The following GSE1 variants were observed in gnomAD, a reference collection of about 807,000 sequenced individuals.
GSE1 encodes the protein Gse1 coiled-coil protein, also known as genetic suppressor element 1.
Under a neutral mutation model 112.6 loss-of-function variants are expected in GSE1, and 32 were observed. That is an observed-to-expected ratio of 0.28 (90% CI 0.21 to 0.38). GSE1 has a LOEUF of 0.38. GSE1 is among the 10% of genes least tolerant of loss of function. The pLI is 1.00. For synonymous variants in GSE1, 1,115 were observed against 735.6 expected (o/e 1.52, Z -8.35); for missense variants, 2,348 against 1,699.2 (o/e 1.38, Z -6.71).
At chr16:85,672,025 G>A (rs1332734500) in intron 15 of GSE1, 2 of 215,146 alleles carry the variant, frequency 9.3e-6, no homozygotes, top group Non-Finnish European at 2.0e-5. Context: ...TTGAGGCGAA[G>A]TCTCACTCTG....
intron 1 of GSE1, among the ~76,000 whole-genome samples, chr16:85,631,559 G>A (rs994929884): frequency 5.3e-5 from 8 of 152,232 alleles, no homozygotes; most frequent in Non-Finnish European, 7.3e-5. Context: ...AGACACCTGC[G>A]TGGCCTTGGC....
At position 85,221,033 on chromosome 16, in the gene GSE1, C is replaced by T. The variant is rs562188519; in HGVS notation, c.2283+49226C>T. The stretch of plus-strand genomic sequence containing the variant: ...GCCTTTGTGGGGATTCAGCGTCCTC[C>T]GGGCTGCCCCCTCTCCGAGACCCTG... On this transcript the variant is annotated intron_variant, in intron 1 of 2. Coordinates refer to the GSE1 transcript ENST00000637419. Among the ~76,000 whole-genome samples, 12 of 151,696 alleles carry T rather than the reference C, an allele frequency of 7.9e-5. No individual in the cohort carries two copies. In the East Asian group the frequency reaches 1.4e-3, roughly 17 times the overall value.
intron 1 of GSE1, among the ~76,000 whole-genome samples, chr16:85,264,960 G>A (rs1326351625): frequency 1.3e-5 from 2 of 152,166 alleles, no homozygotes; most frequent in East Asian, 1.9e-4. Context: ...TTTCTCCTCT[G>A]AGAAATGGGA....
In GSE1 at chr16:85,618,796, C is replaced by T. The variant is rs1463743537; in HGVS notation, c.7+5398C>T. On this transcript the variant is annotated intron_variant, in intron 1 of 15. Transcript: ENST00000253458. ...CCGCAGCCTCCTGAGAAGTTGGAAC[C>T]ACTGATGCGTGCCGCGACACCTGGC... is the stretch of plus-strand genomic sequence containing the variant. Among the ~76,000 whole-genome samples the T allele has an allele frequency of 6.6e-5, 10 of 152,368 alleles. No individual in the cohort carries two copies. In the East Asian group the frequency reaches 1.9e-3, roughly 29 times the overall value.
At chr16:85,598,657 A>G (rs1171611224) in intron 1 of GSE1, among the ~76,000 whole-genome samples, 1 of 152,208 alleles carries the variant, frequency 6.6e-6, no homozygotes, top group Non-Finnish European at 1.5e-5. Flanking sequence ...GCAGGCCAAG[A>G]GGGGCTCCAG....
chr16:85,278,449 A>G (rs895134778), intron 1 of GSE1, among the ~76,000 whole-genome samples: 2 of 152,250 alleles, frequency 1.3e-5, no homozygotes, highest in Non-Finnish European at 1.5e-5. Context: ...TTAATAATAC[A>G]GGTTTTAAAA....
intron 1 of GSE1, among the ~76,000 whole-genome samples, chr16:85,560,128 C>CTTTTTTTTTTTT (rs377241566): frequency 2.0e-5 from 2 of 99,160 alleles, no homozygotes; most frequent in Non-Finnish European, 3.7e-5. Flanking sequence ...TCTTCTTCTT[C>CTTTTTTTTTTTT]TTTTTTTTTT....
At chr16:85,327,282 C>T (rs576569722) in intron 1 of GSE1, among the ~76,000 whole-genome samples, 11 of 152,282 alleles carry the variant, frequency 7.2e-5, no homozygotes, top group South Asian at 2.1e-4. Context: ...TCCTCCTGCC[C>T]GGGTCCAAGG....
intron 2 of GSE1, among the ~76,000 whole-genome samples, chr16:85,491,951 G>T (rs558164347): frequency 3.3e-5 from 5 of 152,130 alleles, no homozygotes; most frequent in Non-Finnish European, 5.9e-5. Context: ...CCCTGTCCCC[G>T]CCTGGTGCTC....
At chr16:85,631,006 C>A (rs890180065) in intron 1 of GSE1, among the ~76,000 whole-genome samples, 5 of 151,424 alleles carry the variant, frequency 3.3e-5, no homozygotes, top group African/African-American at 1.2e-4. Flanking sequence ...GCTGCAGTAT[C>A]CCCTGGGGGG....
At chr16:85,659,336 G>C (rs1221958719) in intron 8 of GSE1, 1 of 152,206 alleles carries the variant, frequency 6.6e-6, no homozygotes, top group African/African-American at 2.4e-5. Flanking sequence ...TATTGGTCCA[G>C]ACATCCTGTG....
intron 2 of GSE1, among the ~76,000 whole-genome samples, chr16:85,494,602 C>T (rs2051111540): frequency 6.6e-6 from 1 of 152,070 alleles, no homozygotes; most frequent in South Asian, 2.1e-4. Context: ...GAGGGTTTTG[C>T]CATGTTGCCC....
rs527514280 is a variant in GSE1 at position 85,452,497 on chromosome 16, C to G, written c.2464+94854C>G. Among the ~76,000 whole-genome samples the G allele has an allele frequency of 4.6e-5, 7 of 152,368 alleles. No individual in the cohort carries two copies. In the South Asian group the frequency reaches 1.4e-3, roughly 32 times the overall value. On this transcript the variant is annotated intron_variant, in intron 2 of 2. Coordinates refer to the GSE1 transcript ENST00000637419. ...TTGATCTGGGACTGTGGCAAGGCCA[C>G]TGGGATTTTTCAAAGCTACCCCGGC...
chr16:85,297,439 G>C (rs1243020321), intron 1 of GSE1, among the ~76,000 whole-genome samples: 1 of 150,144 alleles, frequency 6.7e-6, no homozygotes, highest in East Asian at 1.9e-4. Flanking sequence ...TTTAGTTTAA[G>C]AATTATGACT....
intron 1 of GSE1, among the ~76,000 whole-genome samples, chr16:85,331,389 ATATG>A (rs2046346404): frequency 7.2e-6 from 1 of 139,576 alleles, no homozygotes; most frequent in African/African-American, 2.6e-5. Context: ...ATATGTATAT[ATATG>A]TGTATATATG....
chr16:85,613,315 G>A (rs2048121117), upstream of GSE1: 3 of 1,549,420 alleles, frequency 1.9e-6, no homozygotes, highest in South Asian at 2.4e-5. Flanking sequence ...CCCCGGGTGA[G>A]ATAAGCAGTT....
intron 2 of GSE1, among the ~76,000 whole-genome samples, chr16:85,636,512 A>G (rs1255540508): frequency 6.6e-6 from 1 of 152,160 alleles, no homozygotes; most frequent in Admixed American, 6.5e-5. Flanking sequence ...CCTGGTCCCC[A>G]TTCTCATGGA....
At chr16:85,492,661 T>G (rs1210451432) in intron 2 of GSE1, among the ~76,000 whole-genome samples, 2 of 152,164 alleles carry the variant, frequency 1.3e-5, no homozygotes, top group African/African-American at 2.4e-5. Flanking sequence ...ACAGGTAGTT[T>G]CCAGATTCAG....
Position 85,419,266 on chromosome 16 carries a change from G to A in GSE1, c.2464+61623G>A, listed in dbSNP as rs1275319730. Among the ~76,000 whole-genome samples the A allele has an allele frequency of 6.6e-6, 1 of 152,172 alleles. No individual in the cohort carries two copies. The highest frequency in any genetic ancestry group is 1.5e-5 in the Non-Finnish European group (1 of 68,026). On this transcript the variant is annotated intron_variant, in intron 2 of 2. Coordinates refer to the GSE1 transcript ENST00000637419. This position sits in a 1 kb window ranked among gnomAD's most constrained non-coding sequence, Gnocchi z 6.5. ...TTACAAAAGGTTCACCTCATAGAGG[G>A]CGCTAGAGGCCACCTCAGGAGGCAA... is the stretch of plus-strand genomic sequence containing the variant.
Sources: gnomAD v4.1 joint callset for allele counts (sites outside exome capture counted in the v4.1 genomes callset) on GRCh38, gnomAD v4.1.1 for gene constraint, Gnocchi (gnomAD v3.1) non-coding constraint, MANE v1.5 for transcripts, NCBI Gene and HGNC (gene_info 2026-07-23, HGNC 2026-07-21) for gene names.